Variants in SSH2 observed in about 807,000 individuals in gnomAD.
The protein encoded by SSH2 is slingshot protein phosphatase 2.
In SSH2, 37 loss-of-function variants were observed where a neutral mutation model predicts 135.2. The observed-to-expected ratio is 0.27, with a 90% CI of 0.21 to 0.36. SSH2 has a LOEUF of 0.36. Ranked by LOEUF, SSH2 falls within the 10% of genes least tolerant of loss-of-function variation. The pLI is 1.00. For synonymous variants in SSH2, 628 were observed against 646.2 expected, an observed-to-expected ratio of 0.97 and a Z score of 0.43; for missense variants, 1,408 against 1,765.3, an observed-to-expected ratio of 0.80 and a Z score of 3.63.
chr17:29,655,811 A>T (rs1013813108), intron 11 of SSH2, among the ~76,000 whole-genome samples: 2 of 152,230 alleles, frequency 1.3e-5, no homozygotes, highest in African/African-American at 4.8e-5. Context: ...TCATTTTTAC[A>T]GATACAAAAA....
At chr17:29,791,449 A>T (rs915118998) in intron 3 of SSH2, among the ~76,000 whole-genome samples, 3 of 152,156 alleles carry the variant, frequency 2.0e-5, no homozygotes, top group Admixed American at 6.5e-5. Context: ...AGTTTTAATG[A>T]TATGCTGTTT....
intron 3 of SSH2, among the ~76,000 whole-genome samples, chr17:29,714,270 A>G (rs1000622479): frequency 6.6e-6 from 1 of 152,136 alleles, no homozygotes; most frequent in Non-Finnish European, 1.5e-5. Context: ...ATAGGTGGGA[A>G]TAAACAAACA....
At chr17:29,683,671 AATCCCAGCACT>A (rs1567874648) in intron 6 of SSH2, among the ~76,000 whole-genome samples, 1 of 152,120 alleles carries the variant, frequency 6.6e-6, no homozygotes, top group Non-Finnish European at 1.5e-5. Flanking sequence ...TCATGCCTGT[AATCCCAGCACT>A]TTGGGAAGCC....
chr17:29,711,134 G>A (rs2039418682), intron 3 of SSH2, among the ~76,000 whole-genome samples: 1 of 152,170 alleles, frequency 6.6e-6, no homozygotes, highest in Admixed American at 6.5e-5. Context: ...AAGAGCTTAG[G>A]ACTCTGGTTC....
chr17:29,629,201 A>C lies in SSH2; in HGVS notation c.*1640T>G, dbSNP rs1465060605. ...CGCTGCTGCGTTAAGGATCTCCACA[A>C]CAGTAGCAAAACGACAGCATCCTAA... On this transcript the variant is annotated 3_prime_UTR_variant, in exon 16 of 16. Coordinates refer to ENST00000540801, the MANE Select transcript of SSH2 (RefSeq NM_001282129.2). The C allele has an allele frequency of 6.6e-6, 1 of 152,564 alleles. No homozygotes were observed. The highest frequency in any genetic ancestry group is 2.4e-5 in the African/African-American group (1 of 41,454). 9.5% of individuals were successfully genotyped at this position (152,564 alleles called of 1,614,324 possible).
rs781500100 is a variant in SSH2, at chr17:29,676,861, G to A, written c.573C>T (p.Asn191=). The stretch of plus-strand genomic sequence containing the variant: ...ATACAGGTTTGAATATGTGAACTCT[G>A]TTATCCGTCGATACACTGAACCCAC... The part of the protein sequence containing the change: ...GDGGFSVSTD[N]RVHIFKPVSV... The change falls in exon 8 of 16, where the codon AAC becomes AAT. Residue 191 remains asparagine (N), a synonymous_variant. Transcript: ENST00000540801. 6 of 1,613,748 alleles carry A rather than the reference G, an allele frequency of 3.7e-6. No homozygotes were observed. The highest frequency in any genetic ancestry group is 5.1e-6 in the Non-Finnish European group (6 of 1,179,870).
chr17:29,782,390 G>C (rs981948153), intron 3 of SSH2, among the ~76,000 whole-genome samples: 2 of 152,020 alleles, frequency 1.3e-5, no homozygotes, highest in Non-Finnish European at 2.9e-5. Flanking sequence ...TGCTGCTCTC[G>C]TACAGGAACT....
chr17:29,904,715 T>A (rs533021866), intron 1 of SSH2, among the ~76,000 whole-genome samples: 2 of 152,276 alleles, frequency 1.3e-5, no homozygotes, highest in African/African-American at 4.8e-5. Flanking sequence ...CAAATTACTT[T>A]TGTTTACAGA....
At chr17:29,722,015 G>A (rs920770667) in intron 3 of SSH2, among the ~76,000 whole-genome samples, 1 of 152,118 alleles carries the variant, frequency 6.6e-6, no homozygotes, top group Non-Finnish European at 1.5e-5. Context: ...AGTGGCTCAC[G>A]CCTGTAATCC....
intron 3 of SSH2, among the ~76,000 whole-genome samples, chr17:29,746,021 C>T (rs541390494): frequency 3.3e-5 from 5 of 152,040 alleles, no homozygotes; most frequent in East Asian, 1.9e-4. Context: ...GTTTAAGGAA[C>T]GGGATACTTT....
chr17:29,711,672 T>C (rs2039434664), intron 3 of SSH2, among the ~76,000 whole-genome samples: 1 of 152,204 alleles, frequency 6.6e-6, no homozygotes, highest in Admixed American at 6.5e-5. Context: ...CGTCCAACTC[T>C]GGAACTGCAA....
Position 29,838,771 on chromosome 17 carries a change from T to C in SSH2, c.144+10078A>G, listed in dbSNP as rs1182641781. On this transcript the variant is annotated intron_variant, in intron 2 of 15. Transcript: ENST00000540801. ...CCACTGTGGGTCTCCTCTGAGCTGT[T>C]CTATCGCTCAATAAAGCATCTCTTC... Among the ~76,000 whole-genome samples, 3 of 152,104 alleles carry C rather than the reference T, an allele frequency of 2.0e-5. No individual in the cohort carries two copies. The East Asian group carries it at 5.8e-4, about 29-fold the overall frequency.
intron 6 of SSH2, among the ~76,000 whole-genome samples, chr17:29,679,407 A>ATT (rs550795229): frequency 6.8e-6 from 1 of 147,290 alleles, no homozygotes; most frequent in South Asian, 2.1e-4. Flanking sequence ...ATTTATTTTT[A>ATT]TTTTTTTTTT....
At chr17:29,760,878 C>T (rs2041269460) in intron 3 of SSH2, among the ~76,000 whole-genome samples, 1 of 152,148 alleles carries the variant, frequency 6.6e-6, no homozygotes, top group Non-Finnish European at 1.5e-5. Flanking sequence ...TGAGGGACAA[C>T]CCGCACTTTC....
chr17:29,874,090 T>G (rs970525916), intron 1 of SSH2, among the ~76,000 whole-genome samples: 1 of 151,996 alleles, frequency 6.6e-6, no homozygotes, highest in African/African-American at 2.4e-5. Context: ...CTCAGGAGTT[T>G]GAGACTAGCC....
Position 29,631,396 on chromosome 17 carries a change from C to T in SSH2, c.3798G>A (p.Glu1266=). ...GVVKERAKEI[E]SRVVFQAGLT... ...GCCCTGCCTGGAAAACCACTCGAGA[C>T]TCGATTTCTTTAGCACGCTCCTTCA... Residue 1266 remains glutamate (E), a synonymous_variant, in exon 16 of 16, where the codon GAG becomes GAA. Transcript: ENST00000540801. 1 of 1,614,150 alleles carries T rather than the reference C, an allele frequency of 6.2e-7. No individual in the cohort carries two copies. The highest frequency in any genetic ancestry group is 8.5e-7 in the Non-Finnish European group (1 of 1,180,024).
Position 29,631,470 on chromosome 17 carries a change from T to C in SSH2, c.3724A>G (p.Ser1242Gly). The change falls in exon 16 of 16, where the codon AGC becomes GGC. Residue 1242 changes from serine (S) to glycine (G), a missense_variant. This residue lies in a region of SSH2 where 1,080 missense variants were observed against 1,144.5 expected (regional missense o/e 0.94). Coordinates refer to ENST00000540801, the MANE Select transcript of SSH2 (RefSeq NM_001282129.2). ...CTCTTTATGTTTTCACTACTAGAGC[T>C]ATGTGGGAGTCGACAGGCTACAGGC... ...PLPVACRLPH[S>G]SSSENIKSLS... 1 of 1,614,184 alleles carries C rather than the reference T, an allele frequency of 6.2e-7. No individual in the cohort carries two copies. Among genetic ancestry groups the C allele is most frequent in the Non-Finnish European group, 8.5e-7 (1 of 1,180,032 alleles).
At chr17:29,908,776 A>G (rs1244700420) in intron 1 of SSH2, among the ~76,000 whole-genome samples, 1 of 147,640 alleles carries the variant, frequency 6.8e-6, no homozygotes, top group Admixed American at 6.7e-5. Context: ...AAAAAAAAAA[A>G]AAAAAAAAAA....
At chr17:29,671,329 A>T (rs1199168655) in intron 9 of SSH2, among the ~76,000 whole-genome samples, 1 of 152,142 alleles carries the variant, frequency 6.6e-6, no homozygotes, top group Non-Finnish European at 1.5e-5. Context: ...ATAAAAATTT[A>T]AAAATTAGCC....
Sources: allele counts gnomAD v4.1 joint callset (sites outside exome capture counted in the v4.1 genomes callset), GRCh38; gene constraint gnomAD v4.1.1; regional missense constraint gnomAD v4.1.1; transcripts MANE v1.5; gene names NCBI Gene and HGNC (gene_info 2026-07-23, HGNC 2026-07-21).